CNTNAP2: variants seen among roughly 807,000 people sequenced by gnomAD.
CNTNAP2 encodes the protein contactin-associated protein-like 2.
A neutral mutation model predicts 155.2 loss-of-function variants in CNTNAP2; 98 were observed. The observed-to-expected ratio is 0.63, with a 90% CI of 0.54 to 0.75. The LOEUF (loss-of-function observed/expected upper bound fraction) is 0.75. CNTNAP2 is among the 30% of genes least tolerant of loss of function. The probability of loss-of-function intolerance (pLI) is 0.00; values close to 1 mark genes in which losing one functional copy is unlikely to be tolerated. For missense variants in CNTNAP2, 1,727 were observed against 1,688.1 expected (o/e 1.02, Z -0.40); for synonymous variants, 651 against 631.2 (o/e 1.03, Z -0.47).
chr7:148,285,797 A>G (rs1344220860), intron 21 of CNTNAP2, among the ~76,000 whole-genome samples: 1 of 152,214 alleles, frequency 6.6e-6, no homozygotes, highest in Non-Finnish European at 1.5e-5. Context: ...AGAGATAGGC[A>G]TAGTACAGGT....
chr7:147,216,237 A>T (rs1454533407), intron 8 of CNTNAP2, among the ~76,000 whole-genome samples: 1 of 151,932 alleles, frequency 6.6e-6, no homozygotes, highest in Admixed American at 6.6e-5. Flanking sequence ...CTTGGGTGTC[A>T]TATCTAAAAA....
intron 1 of CNTNAP2, among the ~76,000 whole-genome samples, chr7:146,204,191 G>T (rs1798910749): frequency 6.6e-6 from 1 of 151,890 alleles, no homozygotes; most frequent in Non-Finnish European, 1.5e-5. Context: ...GATTAATTGG[G>T]CCAACAATAT....
intron 11 of CNTNAP2, among the ~76,000 whole-genome samples, chr7:147,513,312 T>C (rs925850221): frequency 6.6e-6 from 1 of 152,138 alleles, no homozygotes; most frequent in African/African-American, 2.4e-5. Context: ...ATTATAATCT[T>C]CTTAAGGCAA....
chr7:146,834,990 T>C (rs578032073), intron 2 of CNTNAP2, among the ~76,000 whole-genome samples: 1 of 152,184 alleles, frequency 6.6e-6, no homozygotes, highest in African/African-American at 2.4e-5. Flanking sequence ...ACCATGTTCC[T>C]CATGAAAGAC....
intron 1 of CNTNAP2, among the ~76,000 whole-genome samples, chr7:146,334,254 AC>A (rs954378946): frequency 4.6e-5 from 7 of 151,954 alleles, no homozygotes; most frequent in Admixed American, 1.3e-4. Flanking sequence ...ACACGGTGAA[AC>A]CCCGTCTCTA....
chr7:148,403,723 G>A (rs1799638748), intron 22 of CNTNAP2, among the ~76,000 whole-genome samples: 1 of 152,200 alleles, frequency 6.6e-6, no homozygotes, highest in African/African-American at 2.4e-5. Context: ...CCAGGGGAAA[G>A]GTCAGTGGCA....
chr7:146,661,791 C>T (rs570948160), intron 1 of CNTNAP2, among the ~76,000 whole-genome samples: 1 of 150,248 alleles, frequency 6.7e-6, no homozygotes, highest in Non-Finnish European at 1.5e-5. Context: ...TGTGTAGGCA[C>T]ATGTATTCAT....
intron 13 of CNTNAP2, among the ~76,000 whole-genome samples, chr7:147,702,060 T>TTG (rs200651275): frequency 8.0e-5 from 12 of 149,806 alleles, no homozygotes; most frequent in South Asian, 2.1e-4. Flanking sequence ...GGTTGGTTTT[T>TTG]TTTTTTTTTT....
chr7:148,214,805 G>A (rs1311506606), intron 18 of CNTNAP2, among the ~76,000 whole-genome samples: 3 of 152,100 alleles, frequency 2.0e-5, no homozygotes, highest in South Asian at 2.1e-4. Context: ...TCCTGGCCTC[G>A]TGATCCGCCA....
intron 13 of CNTNAP2, among the ~76,000 whole-genome samples, chr7:147,735,515 A>C (rs1796826466): frequency 6.6e-6 from 1 of 152,018 alleles, no homozygotes; most frequent in Non-Finnish European, 1.5e-5. Context: ...TGGGGTGGAG[A>C]GTTCTGTAGA....
chr7:147,142,335 G>T (rs1006239584), intron 8 of CNTNAP2, among the ~76,000 whole-genome samples: 11 of 152,138 alleles, frequency 7.2e-5, no homozygotes, highest in Non-Finnish European at 1.3e-4. Context: ...AGATAATCAT[G>T]TGGTTTTTGT....
At chr7:148,324,099 G>T (rs997988306) in intron 21 of CNTNAP2, among the ~76,000 whole-genome samples, 1 of 151,942 alleles carries the variant, frequency 6.6e-6, no homozygotes, top group Non-Finnish European at 1.5e-5. Context: ...TGGCCAGGCT[G>T]GTCTCGAACT....
chr7:147,873,817 G>T (rs1003237992), intron 13 of CNTNAP2, among the ~76,000 whole-genome samples: 1 of 152,084 alleles, frequency 6.6e-6, no homozygotes, highest in Non-Finnish European at 1.5e-5. Flanking sequence ...AAAATCAAAA[G>T]CAAGTTAGTT....
intron 1 of CNTNAP2, among the ~76,000 whole-genome samples, chr7:146,762,163 T>C (rs1802113205): frequency 6.6e-6 from 1 of 152,180 alleles, no homozygotes; most frequent in African/African-American, 2.4e-5. Flanking sequence ...AGCCCTTATA[T>C]AGAAATTTTA....
intron 3 of CNTNAP2, among the ~76,000 whole-genome samples, chr7:146,905,951 G>T (rs1039561627): frequency 1.3e-5 from 2 of 152,302 alleles, no homozygotes; most frequent in East Asian, 1.9e-4. Flanking sequence ...GCACCACACC[G>T]TGCGCGAGCC....
At chr7:147,011,725 G>A (rs551666376) in intron 3 of CNTNAP2, among the ~76,000 whole-genome samples, 1 of 152,176 alleles carries the variant, frequency 6.6e-6, no homozygotes, top group East Asian at 1.9e-4. Flanking sequence ...TTTTCCCAAA[G>A]CCAGCCATAC....
chr7:146,502,934 G>C (rs374229876), intron 1 of CNTNAP2, among the ~76,000 whole-genome samples: 1 of 152,084 alleles, frequency 6.6e-6, no homozygotes. Context: ...ATTTTGATTT[G>C]CAATTCTTTG....
chr7:147,093,018 C>T (rs943280620), intron 4 of CNTNAP2, among the ~76,000 whole-genome samples: 5 of 151,294 alleles, frequency 3.3e-5, no homozygotes, highest in African/African-American at 1.2e-4. Context: ...GTCAGGAGAT[C>T]GAGACCATCC....
chr7:146,897,876 A>G (rs1027982785), intron 3 of CNTNAP2, among the ~76,000 whole-genome samples: 1 of 152,112 alleles, frequency 6.6e-6, no homozygotes, highest in African/African-American at 2.4e-5. Flanking sequence ...GAATTAGATA[A>G]GAAAAATTGT....
Sources: gnomAD v4.1 joint callset for allele counts (sites outside exome capture counted in the v4.1 genomes callset) on GRCh38, gnomAD v4.1.1 for gene constraint, MANE v1.5 for transcripts, NCBI Gene and HGNC (gene_info 2026-07-23, HGNC 2026-07-21) for gene names.